LPCAT1: variants seen among roughly 807,000 people sequenced by gnomAD.
LPCAT1 encodes lysophosphatidylcholine acyltransferase 1, also known as 1-acylglycerol-3-phosphate O-acyltransferase.
LPCAT1 carries 23 observed loss-of-function variants against 60.9 expected under a neutral mutation model. The observed-to-expected ratio is 0.38, with a 90% confidence interval of 0.27 to 0.53. LPCAT1 has a LOEUF of 0.53. Ranked by LOEUF, LPCAT1 falls within the 20% of genes least tolerant of loss-of-function variation. The probability of loss-of-function intolerance (pLI) is 0.82; values close to 1 mark genes in which losing one functional copy is unlikely to be tolerated. For synonymous variants in LPCAT1, 340 were observed against 301.1 expected (o/e 1.13, Z -1.34); for missense variants, 622 against 723.6 (o/e 0.86, Z 1.61).
chr5:1,500,894 C>T (rs1735979426), intron 2 of LPCAT1, among the ~76,000 whole-genome samples: 1 of 152,264 alleles, frequency 6.6e-6, no homozygotes, highest in African/African-American at 2.4e-5. Context: ...GGCACCCGCA[C>T]CAGGTCCAGC....
intron 12 of LPCAT1, among the ~76,000 whole-genome samples, chr5:1,468,095 CG>C (rs1265212506): frequency 7.2e-5 from 11 of 152,274 alleles, no homozygotes; most frequent in African/African-American, 2.4e-4. Context: ...GAAACGCTGA[CG>C]CCTCCAGCCT....
At chr5:1,492,228 AGGGGAGATGTCTCTGAGCTGGAGCCT>A (rs1735613313) in intron 3 of LPCAT1, among the ~76,000 whole-genome samples, 4 of 146,730 alleles carry the variant, frequency 2.7e-5, no homozygotes, top group Admixed American at 6.7e-5. Context: ...AGCTGGGACA[AGGGGAGATGTCTCTGAGCTGGAGCCT>A]GGGGAGATGT....
intron 1 of LPCAT1, among the ~76,000 whole-genome samples, chr5:1,508,242 C>T (rs148699106): frequency 2.0e-5 from 3 of 152,332 alleles, no homozygotes; most frequent in Admixed American, 6.5e-5. Context: ...CGTCATTCTC[C>T]GGGCTGGGGG....
intron 7 of LPCAT1, among the ~76,000 whole-genome samples, chr5:1,479,891 CT>C (rs1735065330): frequency 6.6e-6 from 1 of 151,850 alleles, no homozygotes. Flanking sequence ...TCAACACCTG[CT>C]TATGTCCTTG....
chr5:1,498,758 A>G (rs533537010), intron 2 of LPCAT1, among the ~76,000 whole-genome samples: 6 of 152,282 alleles, frequency 3.9e-5, no homozygotes, highest in African/African-American at 1.4e-4. Flanking sequence ...ACATGTACAC[A>G]CATGCAACAC....
intron 13 of LPCAT1, among the ~76,000 whole-genome samples, chr5:1,466,360 CT>C (rs1461936696): frequency 6.6e-6 from 1 of 152,144 alleles, no homozygotes; most frequent in African/African-American, 2.4e-5. Context: ...TGACAGACCC[CT>C]CCCAGGAGAG....
chr5:1,498,473 C>G (rs1422417639), intron 2 of LPCAT1, among the ~76,000 whole-genome samples: 2 of 152,162 alleles, frequency 1.3e-5, no homozygotes, highest in Non-Finnish European at 2.9e-5. Flanking sequence ...CGTGCATACT[C>G]CCACACATGC....
chr5:1,468,476 G>A (rs563126954), intron 12 of LPCAT1, among the ~76,000 whole-genome samples: 1 of 152,330 alleles, frequency 6.6e-6, no homozygotes, highest in South Asian at 2.1e-4. Flanking sequence ...CTGCTTCAGA[G>A]GGGACAACCT....
rs1479449868 is a variant in LPCAT1, at chr5:1,463,703, C to A, written c.1553G>T (p.Ser518Ile). 6.2e-7 allele frequency: 1 copy of A among 1,614,132 alleles called. No homozygotes were observed. Among genetic ancestry groups the A allele is most frequent in the Non-Finnish European group, 8.5e-7 (1 of 1,180,048 alleles). ...CCGCCCAGCGTCTGAGTTTTCCGGG[C>A]TGAAATCGGCACAGAAGCCGTTTGG... ...PIPNGFCADFSPENSDAGRKP... is the reference protein window; with the variant it reads ...PIPNGFCADFIPENSDAGRKP... The change falls in exon 14 of 14, where the codon AGC becomes ATC. Residue 518 changes from serine to isoleucine, a missense_variant. Ser to Ile is a moderately radical substitution (Grantham distance 142). Coordinates refer to ENST00000283415, the MANE Select transcript of LPCAT1 (RefSeq NM_024830.5).
In LPCAT1 at chr5:1,480,602, C is replaced by T. The variant is rs972972360; in HGVS notation, c.761+340G>A. Among the ~76,000 whole-genome samples the T allele has an allele frequency of 3.3e-5, 5 of 152,182 alleles. No individual in the cohort carries two copies. In the East Asian group the frequency reaches 5.8e-4, roughly 18 times the overall value. On this transcript the variant is annotated intron_variant, in intron 7 of 13. Transcript: ENST00000283415. The surrounding 1 kb of genome is among the most constrained non-coding windows in gnomAD (Gnocchi z 6.4). The stretch of plus-strand genomic sequence containing the variant: ...TACTCAGTCTCTGTGCCTGTGCAGA[C>T]GGGGTCCCCCCAGACACCCCTAAAT...
At chr5:1,469,789 T>TAA (rs373916134) in intron 12 of LPCAT1, among the ~76,000 whole-genome samples, 6 of 137,830 alleles carry the variant, frequency 4.4e-5, no homozygotes, top group African/African-American at 1.3e-4. Flanking sequence ...TCACAAAAAT[T>TAA]AAAAAAAAAA....
intron 1 of LPCAT1, among the ~76,000 whole-genome samples, chr5:1,505,346 TCCTGAAACAGCA>T: frequency 2.0e-5 from 3 of 152,108 alleles, no homozygotes; most frequent in Middle Eastern, 6.8e-3. Context: ...CCCACGGTGT[TCCTGAAACAGCA>T]CCGACTGCAA....
chr5:1,477,484 G>C lies in LPCAT1; in HGVS notation c.819C>G (p.Phe273Leu). ...CCTCAGAAGGGCTGTACACAGGAAG[G>C]AACTGAGCACACAGAGAAGCTGCGT... is the stretch of plus-strand genomic sequence containing the variant. ...CQFHNQVEIE[F>L]LPVYSPSEEE... Residue 273 changes from phenylalanine (F) to leucine (L), a missense_variant and splice_region_variant, in exon 9 of 14, where the codon TTC becomes TTG. Around this residue, in one of 3 missense-constraint regions of LPCAT1, gnomAD observed 209 missense variants for 325.5 expected, o/e 0.64. Transcript: ENST00000283415. This position sits in a 1 kb window ranked among gnomAD's most constrained non-coding sequence, Gnocchi z 6.0. 6.2e-7 allele frequency: 1 copy of C among 1,612,136 alleles called. No individual in the cohort carries two copies.
rs1484221032 is a variant in LPCAT1 at position 1,481,249 on chromosome 5, C to G, written c.727-273G>C. On this transcript the variant is annotated intron_variant, in intron 6 of 13. Transcript: ENST00000283415. The surrounding 1 kb of genome is among the most constrained non-coding windows in gnomAD (Gnocchi z 7.8). Reference sequence around the variant, plus strand: ...AGAGTTCCCCCAAGATCCCCAGAGTCCCTGAGGACTCAGAGCCCCCTCTTA... The same window carrying G: ...AGAGTTCCCCCAAGATCCCCAGAGTGCCTGAGGACTCAGAGCCCCCTCTTA... Among the ~76,000 whole-genome samples the G allele has an allele frequency of 1.3e-5, 2 of 152,168 alleles. No homozygotes were observed. Among genetic ancestry groups the G allele is most frequent in the Non-Finnish European group, 2.9e-5 (2 of 68,022 alleles).
intron 3 of LPCAT1, among the ~76,000 whole-genome samples, chr5:1,491,850 A>AT (rs1735595355): frequency 6.6e-6 from 1 of 152,252 alleles, no homozygotes; most frequent in African/African-American, 2.4e-5. Context: ...TTTCATTGGT[A>AT]TTCATACATC....
chr5:1,503,223 A>G (rs1463960132), intron 1 of LPCAT1, among the ~76,000 whole-genome samples: 1 of 152,152 alleles, frequency 6.6e-6, no homozygotes, highest in Non-Finnish European at 1.5e-5. Flanking sequence ...TCCCCGCTTC[A>G]GCATCACACT....
chr5:1,516,632 CTT>C (rs56874119), intron 1 of LPCAT1, among the ~76,000 whole-genome samples: 2 of 146,916 alleles, frequency 1.4e-5, no homozygotes, highest in African/African-American at 2.5e-5. Context: ...TCTTTCTTTC[CTT>C]TTTTTTTTTT....
rs1342804235 is a variant in LPCAT1, at chr5:1,489,860, TG to T, written c.494-3del. 6.2e-7 allele frequency: 1 copy of T among 1,601,302 alleles called. No individual in the cohort carries two copies. Among genetic ancestry groups the T allele is most frequent in the Admixed American group, 1.7e-5 (1 of 60,006 alleles). ...CAGGCCGTATATACTGGATCAGAGC[TG>T]GAAGAGAGGAGGGGAGACGGATCAC... On this transcript the variant is annotated splice_polypyrimidine_tract_variant and splice_region_variant and intron_variant, in intron 3 of 13. Coordinates refer to ENST00000283415, the MANE Select transcript of LPCAT1 (RefSeq NM_024830.5).
intron 13 of LPCAT1, 84 bp from the exon 14 acceptor site, chr5:1,463,919 T>A: frequency 7.0e-7 from 1 of 1,432,288 alleles, no homozygotes; most frequent in Non-Finnish European, 9.7e-7. Flanking sequence ...ACGGCCCTGG[T>A]GGGTGTCCAC....
Sources: gnomAD v4.1 joint callset for allele counts (sites outside exome capture counted in the v4.1 genomes callset) on GRCh38, gnomAD v4.1.1 for gene constraint, gnomAD v4.1.1 regional missense constraint, Gnocchi (gnomAD v3.1) non-coding constraint, MANE v1.5 for transcripts, NCBI Gene and HGNC (gene_info 2026-07-23, HGNC 2026-07-21) for gene names.